PDE1C: variants seen among roughly 807,000 people sequenced by gnomAD.
The protein encoded by PDE1C is dual specificity calcium/calmodulin-dependent 3',5'-cyclic nucleotide phosphodiesterase 1C.
Under a neutral mutation model 93.1 loss-of-function variants are expected in PDE1C, and 62 were observed. The observed-to-expected ratio is 0.67, with a 90% CI of 0.54 to 0.82. The LOEUF is 0.82. PDE1C is among the 40% of genes least tolerant of loss of function. The pLI is 0.00. For missense variants in PDE1C, 742 were observed against 884.6 expected (o/e 0.84, Z 2.04); for synonymous variants, 325 against 310.1 (o/e 1.05, Z -0.50).
At chr7:32,182,717 G>A (rs1240318247) in intron 2 of PDE1C, among the ~76,000 whole-genome samples, 1 of 152,168 alleles carries the variant, frequency 6.6e-6, no homozygotes, top group East Asian at 1.9e-4. Flanking sequence ...AAAACTGGAA[G>A]CATTCCCTTT....
intron 16 of PDE1C, chr7:31,789,731 C>T: frequency 1.0e-6 from 1 of 985,730 alleles, no homozygotes; most frequent in Non-Finnish European, 1.2e-6. Flanking sequence ...GAACCAGAGA[C>T]TGGAATCATC....
At chr7:31,774,453 C>T (rs1370052302) in intron 17 of PDE1C, among the ~76,000 whole-genome samples, 4 of 152,136 alleles carry the variant, frequency 2.6e-5, no homozygotes, top group Non-Finnish European at 4.4e-5. Context: ...TACCATCTTT[C>T]TGAAAATCAC....
chr7:32,371,985 T>G (rs916433240), intron 1 of PDE1C, among the ~76,000 whole-genome samples: 1 of 151,286 alleles, frequency 6.6e-6, no homozygotes, highest in East Asian at 1.9e-4. Flanking sequence ...GACATAAGGA[T>G]AGACACATAG....
the PDE1C span, among the ~76,000 whole-genome samples, chr7:31,734,279 A>T: frequency 6.6e-6 from 1 of 152,148 alleles, no homozygotes; most frequent in Non-Finnish European, 1.5e-5. Context: ...GAATGGTCGT[A>T]AAGGTTAAAG....
chr7:31,882,529 T>C (rs978821), intron 2 of PDE1C, among the ~76,000 whole-genome samples: 109,801 of 152,108 alleles, frequency 0.72, 39,875 homozygotes, highest in East Asian at 0.85. Flanking sequence ...TGCCCAGCTA[T>C]CCCCTAGGCT....
rs529893275 is a variant in PDE1C at position 32,377,836 on chromosome 7, C to A, written c.310+49986G>T. ...CTATACTCTATTGCCTCGCACCAAGCAAACCAAGCGGCCCCAGAGGAAAAA... is the reference window on the plus strand; with the variant it reads ...CTATACTCTATTGCCTCGCACCAAGAAAACCAAGCGGCCCCAGAGGAAAAA... On this transcript the variant is annotated intron_variant, in intron 1 of 1. Transcript: ENST00000672256. 2.6e-5 allele frequency among the ~76,000 whole-genome samples: 4 copies of A among 152,178 alleles called. No individual in the cohort carries two copies. The South Asian group carries it at 8.3e-4, about 32-fold the overall frequency.
At chr7:32,075,512 G>C (rs1796301160), upstream of PDE1C, among the ~76,000 whole-genome samples, 1 of 152,086 alleles carries the variant, frequency 6.6e-6, no homozygotes, top group Non-Finnish European at 1.5e-5. Flanking sequence ...CTGTTACCCT[G>C]CTTCTCCCTC....
At chr7:32,246,580 G>A (rs1223114285) in intron 1 of PDE1C, among the ~76,000 whole-genome samples, 1 of 152,096 alleles carries the variant, frequency 6.6e-6, no homozygotes, top group Admixed American at 6.5e-5. Context: ...CACAGAATGT[G>A]AGAACATGGA....
intron 2 of PDE1C, among the ~76,000 whole-genome samples, chr7:31,884,971 G>T (rs1021685177): frequency 6.6e-6 from 1 of 152,148 alleles, no homozygotes; most frequent in African/African-American, 2.4e-5. Context: ...AGGCCAGAGG[G>T]CTCAACTGCT....
chr7:31,858,284 G>C (rs1794266696), intron 7 of PDE1C, among the ~76,000 whole-genome samples: 1 of 152,154 alleles, frequency 6.6e-6, no homozygotes, highest in South Asian at 2.1e-4. Flanking sequence ...GTTGTGAGCA[G>C]AAGTGATGAG....
At chr7:32,145,171 T>C (rs1444993813) in intron 3 of PDE1C, among the ~76,000 whole-genome samples, 1 of 152,116 alleles carries the variant, frequency 6.6e-6, no homozygotes, top group Non-Finnish European at 1.5e-5. Flanking sequence ...CTGGATTGGA[T>C]GAAAAGATTC....
chr7:31,844,581 C>T (rs1009093750), intron 9 of PDE1C, among the ~76,000 whole-genome samples: 12 of 151,944 alleles, frequency 7.9e-5, no homozygotes, highest in African/African-American at 2.4e-4. Flanking sequence ...ATCTTTGCCT[C>T]TCAGCAGTTT....
At chr7:32,177,980 C>T (rs940983182) in intron 2 of PDE1C, among the ~76,000 whole-genome samples, 13 of 152,210 alleles carry the variant, frequency 8.5e-5, no homozygotes, top group Non-Finnish European at 1.9e-4. Context: ...TATCTGCAGG[C>T]TCTCATCCCC....
chr7:32,311,482 GA>G (rs1219600517), intron 1 of PDE1C, among the ~76,000 whole-genome samples: 1 of 152,176 alleles, frequency 6.6e-6, no homozygotes, highest in Admixed American at 6.5e-5. Flanking sequence ...TATCCTTGAT[GA>G]ACATTGATGC....
intron 16 of PDE1C, among the ~76,000 whole-genome samples, chr7:31,806,260 G>T (rs1348973346): frequency 6.6e-6 from 1 of 151,914 alleles, no homozygotes; most frequent in African/African-American, 2.4e-5. Context: ...ATCAAGTAAA[G>T]TTAACGGCAA....
intron 2 of PDE1C, among the ~76,000 whole-genome samples, chr7:31,962,610 G>A (rs1173432462): frequency 4.6e-5 from 7 of 152,140 alleles, no homozygotes; most frequent in Non-Finnish European, 7.4e-5. Flanking sequence ...ATCTAGAGAA[G>A]GCTTCAGCAG....
chr7:31,829,175 A>G (rs1008358361), intron 11 of PDE1C, among the ~76,000 whole-genome samples: 4 of 152,140 alleles, frequency 2.6e-5, no homozygotes, highest in African/African-American at 9.7e-5. Context: ...ATAGCTACTG[A>G]CTTGTGCTTG....
chr7:32,246,042 C>A (rs950938024), intron 1 of PDE1C, among the ~76,000 whole-genome samples: 6 of 145,570 alleles, frequency 4.1e-5, no homozygotes, highest in Non-Finnish European at 8.9e-5. Context: ...AATCAGAGCT[C>A]ACTGAAGCCT....
chr7:32,294,770 C>A (rs1378604847), intron 1 of PDE1C, among the ~76,000 whole-genome samples: 1 of 152,222 alleles, frequency 6.6e-6, no homozygotes, highest in African/African-American at 2.4e-5. Flanking sequence ...TCATTCACTT[C>A]ATATGCAAAT....
Sources: allele counts gnomAD v4.1 joint callset (sites outside exome capture counted in the v4.1 genomes callset), GRCh38; gene constraint gnomAD v4.1.1; transcripts MANE v1.5; gene names NCBI Gene and HGNC (gene_info 2026-07-23, HGNC 2026-07-21).